The following BMP6 variants were observed in gnomAD, a reference collection of about 807,000 sequenced individuals.
BMP6 encodes the protein bone morphogenetic protein 6.
In BMP6, 17 loss-of-function variants were observed where a neutral mutation model predicts 54.1. The observed-to-expected ratio is 0.31, with a 90% CI of 0.22 to 0.47. The LOEUF is 0.47. Ranked by LOEUF, BMP6 falls within the 20% of genes least tolerant of loss-of-function variation. The pLI, the probability that BMP6 is intolerant of heterozygous loss-of-function variation, is 1.00. For synonymous variants in BMP6, 328 were observed against 291.2 expected, an observed-to-expected ratio of 1.13 and a Z score of -1.28; for missense variants, 720 against 690.4, an observed-to-expected ratio of 1.04 and a Z score of -0.48.
At chr6:7,819,103 G>A (rs1157792677) in intron 1 of BMP6, among the ~76,000 whole-genome samples, 3 of 152,196 alleles carry the variant, frequency 2.0e-5, no homozygotes, top group African/African-American at 7.2e-5. Flanking sequence ...ACAGACAGGC[G>A]TGTGGTGTCT....
intron 1 of BMP6, among the ~76,000 whole-genome samples, chr6:7,803,900 T>C (rs1758309198): frequency 6.6e-6 from 1 of 152,178 alleles, no homozygotes; most frequent in African/African-American, 2.4e-5. Flanking sequence ...TGGTAATTAA[T>C]TTTTACCAGG....
At chr6:7,770,603 A>G (rs369115639) in intron 1 of BMP6, among the ~76,000 whole-genome samples, 1 of 152,132 alleles carries the variant, frequency 6.6e-6, no homozygotes, top group Non-Finnish European at 1.5e-5. Context: ...ATCCCTGTTG[A>G]TTTTATGGTA....
At chr6:7,758,516 C>T (rs1483523270) in intron 1 of BMP6, among the ~76,000 whole-genome samples, 5 of 152,178 alleles carry the variant, frequency 3.3e-5, no homozygotes, top group African/African-American at 9.7e-5. Context: ...CCAACAACTA[C>T]GGTTTGCAAC....
At chr6:7,788,468 G>T (rs924404630) in intron 1 of BMP6, among the ~76,000 whole-genome samples, 1 of 152,176 alleles carries the variant, frequency 6.6e-6, no homozygotes, top group African/African-American at 2.4e-5. Flanking sequence ...TCTATGTCTA[G>T]GCTCAACAAC....
At chr6:7,862,585 C>T in intron 4 of BMP6, 87 bp downstream of exon 4, 1 of 1,522,796 alleles carries the variant, frequency 6.6e-7, no homozygotes. Flanking sequence ...AGATGTCGGG[C>T]AGCTTCTGCA....
chr6:7,812,435 G>T (rs180812541), intron 1 of BMP6, among the ~76,000 whole-genome samples: 9 of 152,226 alleles, frequency 5.9e-5, no homozygotes, highest in Non-Finnish European at 2.9e-5. Flanking sequence ...GTCTCTCAAT[G>T]GAGAAAAGCT....
At chr6:7,764,116 C>T (rs1006109799) in intron 1 of BMP6, among the ~76,000 whole-genome samples, 2 of 152,142 alleles carry the variant, frequency 1.3e-5, no homozygotes, top group South Asian at 2.1e-4. Flanking sequence ...GCAGCAGGGC[C>T]GGGACCATGT....
chr6:7,727,779 G>A (rs1358346543), intron 1 of BMP6, among the ~76,000 whole-genome samples, 160 bp downstream of exon 1: 4 of 151,624 alleles, frequency 2.6e-5, no homozygotes, highest in African/African-American at 7.2e-5. Context: ...CGCCACCTGC[G>A]CGGCGGTGGG....
chr6:7,835,183 C>T (rs1758853959), intron 1 of BMP6, among the ~76,000 whole-genome samples: 1 of 152,182 alleles, frequency 6.6e-6, no homozygotes, highest in Admixed American at 6.5e-5. Flanking sequence ...AGTGCAGTGG[C>T]ACCATCTCGG....
In BMP6 at chr6:7,836,054, C is replaced by T. The variant is rs950091152; in HGVS notation, c.665-9086C>T. Among the ~76,000 whole-genome samples, 3 of 151,992 alleles carry T rather than the reference C, an allele frequency of 2.0e-5. No individual in the cohort carries two copies. In the South Asian group the frequency reaches 6.2e-4, roughly 32 times the overall value. ...CAAGGTTTCCCCGTGTTGGCCAGGC[C>T]GGTCTCAAACTCCTGACCTCAGGTG... On this transcript the variant is annotated intron_variant, in intron 1 of 6. Coordinates refer to ENST00000283147, the MANE Select transcript of BMP6 (RefSeq NM_001718.6).
chr6:7,856,063 A>G (rs1045296045), intron 2 of BMP6, among the ~76,000 whole-genome samples: 1 of 144,900 alleles, frequency 6.9e-6, no homozygotes, highest in Non-Finnish European at 1.5e-5. Context: ...TGATATTTGA[A>G]ACGTCTCTTC....
At chr6:7,839,456 C>T (rs1410794487) in intron 1 of BMP6, among the ~76,000 whole-genome samples, 1 of 152,250 alleles carries the variant, frequency 6.6e-6, no homozygotes, top group Non-Finnish European at 1.5e-5. Flanking sequence ...ACTTACTAAA[C>T]CTGAACTTCC....
intron 1 of BMP6, among the ~76,000 whole-genome samples, chr6:7,768,168 C>G (rs964421598): frequency 6.6e-6 from 1 of 152,142 alleles, no homozygotes; most frequent in Non-Finnish European, 1.5e-5. Flanking sequence ...TTAAGAAGAA[C>G]GGAGTGCTCT....
intron 1 of BMP6, among the ~76,000 whole-genome samples, chr6:7,750,387 G>A (rs1312477742): frequency 6.6e-6 from 1 of 152,200 alleles, no homozygotes; most frequent in Non-Finnish European, 1.5e-5. Flanking sequence ...ATGAGGAAAC[G>A]ATAAGGGCAG....
chr6:7,819,903 AAT>A (rs1209081165), intron 1 of BMP6, among the ~76,000 whole-genome samples: 1 of 152,228 alleles, frequency 6.6e-6, no homozygotes, highest in African/African-American at 2.4e-5. Flanking sequence ...AGGCATTCCA[AAT>A]ATGTTTCTAG....
intron 1 of BMP6, among the ~76,000 whole-genome samples, chr6:7,830,555 A>C (rs1029604252): frequency 6.6e-6 from 1 of 152,198 alleles, no homozygotes; most frequent in Non-Finnish European, 1.5e-5. Flanking sequence ...ATGGCTGAGA[A>C]GGAGAGATGG....
At chr6:7,802,505 AG>A (rs1480684327) in intron 1 of BMP6, among the ~76,000 whole-genome samples, 1 of 152,196 alleles carries the variant, frequency 6.6e-6, no homozygotes, top group African/African-American at 2.4e-5. Context: ...GTTTCTAATA[AG>A]GCAGTCAAAA....
intron 1 of BMP6, among the ~76,000 whole-genome samples, chr6:7,746,512 T>C (rs1392488396): frequency 6.6e-6 from 1 of 152,198 alleles, no homozygotes; most frequent in Non-Finnish European, 1.5e-5. Flanking sequence ...ATAGTTTACA[T>C]TTTTTCTTTC....
rs1359089738 is a variant in BMP6 at position 7,881,474 on chromosome 6, A to G, written c.*1131A>G. 4 of 152,570 alleles carry G rather than the reference A, an allele frequency of 2.6e-5. No homozygotes were observed. The highest frequency in any genetic ancestry group is 2.1e-4 in the South Asian group (1 of 4,834). The allele number at this position is 152,570 out of a possible 1,614,324, so 9.5% of individuals were successfully genotyped here. On this transcript the variant is annotated 3_prime_UTR_variant, in exon 7 of 7. Transcript: ENST00000283147. ...AAATATAAACTATAATTTATTGTCT[A>G]TTTTATATCTGTTTTGCTGTAACAT...
Sources: gnomAD v4.1 joint callset for allele counts (sites outside exome capture counted in the v4.1 genomes callset) on GRCh38, gnomAD v4.1.1 for gene constraint, MANE v1.5 for transcripts, NCBI Gene and HGNC (gene_info 2026-07-23, HGNC 2026-07-21) for gene names.